Variants in KIAA1549L observed in about 807,000 individuals in gnomAD.
The protein encoded by KIAA1549L is UPF0606 protein KIAA1549L.
KIAA1549L carries 88 observed loss-of-function variants against 160.7 expected under a neutral mutation model. The observed-to-expected ratio is 0.55, with a 90% CI of 0.46 to 0.65. The LOEUF is 0.65. Among genes scored for constraint, KIAA1549L ranks in the 30% least tolerant of loss-of-function variants. The pLI, the probability that KIAA1549L is intolerant of heterozygous loss-of-function variation, is 0.00. For missense variants in KIAA1549L, 2,258 were observed against 2,437.5 expected (o/e 0.93, Z 1.55); for synonymous variants, 950 against 976.7 (o/e 0.97, Z 0.51).
Position 33,574,736 on chromosome 11 carries a change from A to G in KIAA1549L, c.4265A>G (p.Asp1422Gly). The change falls in exon 10 of 21, where the codon GAC (aspartate) becomes GGC (glycine). Residue 1422 changes from aspartate (D) to glycine (G), a missense_variant. Coordinates refer to ENST00000658780, the MANE Select transcript of KIAA1549L (RefSeq NM_012194.3). ...VKMQRVPGPKDPAELTYYTLY... is the reference protein window; with the variant it reads ...VKMQRVPGPKGPAELTYYTLY... ...ATGCAGCGTGTCCCAGGCCCGAAGG[A>G]CCCAGCGGAGCTGACTTACTATACC... The G allele has an allele frequency of 6.2e-7, 1 of 1,613,442 alleles. No homozygotes were observed. Among genetic ancestry groups the G allele is most frequent in the Non-Finnish European group, 8.5e-7 (1 of 1,179,578 alleles).
chr11:33,447,396 CTA>C (rs1851633003), intron 1 of KIAA1549L, among the ~76,000 whole-genome samples: 1 of 152,062 alleles, frequency 6.6e-6, no homozygotes, highest in Non-Finnish European at 1.5e-5. Context: ...TGAATGAAAA[CTA>C]TTTCATACTC....
chr11:33,438,031 A>T (rs1459479062), intron 1 of KIAA1549L, among the ~76,000 whole-genome samples: 1 of 152,146 alleles, frequency 6.6e-6, no homozygotes. Context: ...AGCCATTCAC[A>T]TCCCTGTTTT....
intron 3 of KIAA1549L, among the ~76,000 whole-genome samples, chr11:33,546,907 A>G (rs900051097): frequency 1.3e-5 from 2 of 152,248 alleles, no homozygotes; most frequent in Admixed American, 1.3e-4. Flanking sequence ...GTATAACAAT[A>G]GACTGTAATA....
chr11:33,546,235 C>T (rs1375360930), intron 3 of KIAA1549L, among the ~76,000 whole-genome samples: 2 of 152,222 alleles, frequency 1.3e-5, no homozygotes, highest in Admixed American at 6.5e-5. Context: ...GAGACATATC[C>T]TATTCTAAAA....
At chr11:33,602,194 A>T (rs1238545702) in intron 13 of KIAA1549L, among the ~76,000 whole-genome samples, 1 of 152,212 alleles carries the variant, frequency 6.6e-6, no homozygotes, top group East Asian at 1.9e-4. Flanking sequence ...ATTAATAATC[A>T]AACTTCACCT....
At chr11:33,593,690 A>G (rs2133292413) in intron 12 of KIAA1549L, among the ~76,000 whole-genome samples, 1 of 152,274 alleles carries the variant, frequency 6.6e-6, no homozygotes, top group South Asian at 2.1e-4. Context: ...TGAATTTGCC[A>G]TTTATTGTGT....
chr11:33,481,528 G>A (rs115188399), intron 1 of KIAA1549L, among the ~76,000 whole-genome samples: 147 of 152,300 alleles, frequency 9.7e-4, no homozygotes, highest in African/African-American at 3.2e-3. Context: ...TTTAACAGTA[G>A]TTCTCTTTTC....
At chr11:33,500,019 C>T (rs890181319) in intron 1 of KIAA1549L, among the ~76,000 whole-genome samples, 1 of 152,184 alleles carries the variant, frequency 6.6e-6, no homozygotes, top group Admixed American at 6.5e-5. Context: ...ACCAGGGTAG[C>T]CTTCTCACTG....
In KIAA1549L at chr11:33,568,198, G is replaced by A. The variant is rs769586551; in HGVS notation, c.4201G>A (p.Ala1401Thr). The A allele has an allele frequency of 6.2e-7, 1 of 1,613,606 alleles. No homozygotes were observed. Among genetic ancestry groups the A allele is most frequent in the Non-Finnish European group, 8.5e-7 (1 of 1,179,776 alleles). Residue 1401 changes from alanine to threonine, a missense_variant, in exon 9 of 21, where the codon GCC (alanine) becomes ACC (threonine). Ala to Thr is a moderately conservative substitution (Grantham distance 58). This residue lies in a region of KIAA1549L where 1,359 missense variants were observed against 1,546.6 expected (regional missense o/e 0.88). Transcript: ENST00000658780. Reference sequence around the variant, plus strand: ...GCAACAAGGCCGGCGGTTTAAACGGGCCACCACCCTGGGAAGCTACACTGT... The same window carrying A: ...GCAACAAGGCCGGCGGTTTAAACGGACCACCACCCTGGGAAGCTACACTGT... ...SQQQGRRFKR[A>T]TTLGSYTVQM... is the part of the protein sequence containing the mutation.
intron 1 of KIAA1549L, among the ~76,000 whole-genome samples, chr11:33,540,623 T>C (rs905170539): frequency 6.6e-6 from 1 of 152,210 alleles, no homozygotes; most frequent in African/African-American, 2.4e-5. Flanking sequence ...ACAATTTCCA[T>C]TGCAAACCAT....
At chr11:33,623,348 C>T (rs1199645799) in intron 16 of KIAA1549L, among the ~76,000 whole-genome samples, 1 of 152,228 alleles carries the variant, frequency 6.6e-6, no homozygotes, top group African/African-American at 2.4e-5. Flanking sequence ...TTGTGTTGAC[C>T]CCACTACCAT....
chr11:33,488,297 A>G (rs762709812), intron 1 of KIAA1549L, among the ~76,000 whole-genome samples: 55 of 152,246 alleles, frequency 3.6e-4, no homozygotes, highest in Non-Finnish European at 5.4e-4. Flanking sequence ...ATGTGAAACA[A>G]TCCATCTACA....
intron 1 of KIAA1549L, chr11:33,403,650 A>G (rs1030188453): frequency 2.0e-5 from 3 of 152,144 alleles, no homozygotes; most frequent in African/African-American, 7.2e-5. Flanking sequence ...TACAACTGAT[A>G]AAAAGGGTGA....
chr11:33,422,402 G>A lies in KIAA1549L; in HGVS notation c.238+45513G>A, dbSNP rs900297684. On this transcript the variant is annotated intron_variant, in intron 1 of 20. Coordinates refer to ENST00000658780, the MANE Select transcript of KIAA1549L (RefSeq NM_012194.3). The stretch of plus-strand genomic sequence containing the variant: ...CTTGATCCACTGCTGCACCAGGAGT[G>A]CTCCCTCACACTTACTCCCCTGCTA... Among the ~76,000 whole-genome samples, 10 of 152,042 alleles carry A rather than the reference G, an allele frequency of 6.6e-5. No individual in the cohort carries two copies. The East Asian group carries it at 1.9e-3, about 29-fold the overall frequency.
intron 14 of KIAA1549L, among the ~76,000 whole-genome samples, chr11:33,608,020 G>T (rs1027836225): frequency 2.0e-5 from 3 of 152,174 alleles, no homozygotes; most frequent in Non-Finnish European, 4.4e-5. Context: ...ATGAGGTTGA[G>T]GTCCCCTGAC....
chr11:33,652,785 G>C (rs1479858120), intron 17 of KIAA1549L, among the ~76,000 whole-genome samples: 1 of 152,208 alleles, frequency 6.6e-6, no homozygotes, highest in Non-Finnish European at 1.5e-5. Context: ...TTTGCTAACT[G>C]TCTGCAGAAC....
At chr11:33,600,692 T>C (rs74952816) in intron 13 of KIAA1549L, among the ~76,000 whole-genome samples, 2,867 of 152,286 alleles carry the variant, frequency 0.019, 109 homozygotes, top group African/African-American at 0.066. Context: ...ATGTATATCT[T>C]TCTCTGACCT....
intron 1 of KIAA1549L, among the ~76,000 whole-genome samples, chr11:33,529,944 A>G (rs1361035174): frequency 4.6e-5 from 7 of 152,100 alleles, no homozygotes. Context: ...AGCCCTAGTA[A>G]GATGTTTAGT....
chr11:33,462,858 A>G (rs1851970036), intron 1 of KIAA1549L, among the ~76,000 whole-genome samples: 1 of 150,778 alleles, frequency 6.6e-6, no homozygotes, highest in Non-Finnish European at 1.5e-5. Flanking sequence ...TTTTTTTGGT[A>G]CGGTCTTCCT....
Sources: allele counts gnomAD v4.1 joint callset (sites outside exome capture counted in the v4.1 genomes callset), GRCh38; gene constraint gnomAD v4.1.1; regional missense constraint gnomAD v4.1.1; transcripts MANE v1.5; gene names NCBI Gene and HGNC (gene_info 2026-07-23, HGNC 2026-07-21).